P2RX3: variants seen among roughly 807,000 people sequenced by gnomAD.
P2RX3 encodes the protein P2X purinoceptor 3.
In P2RX3, 41 loss-of-function variants were observed where a neutral mutation model predicts 51.5. The ratio of observed to expected loss-of-function variants is 0.80; its 90% CI spans 0.62 to 1.03. The LOEUF (loss-of-function observed/expected upper bound fraction) is 1.03, where lower values mean the gene tolerates loss of function less well. Ranked by LOEUF, P2RX3 falls within the 50% of genes least tolerant of loss-of-function variation. The probability of loss-of-function intolerance (pLI) is 0.00; values close to 1 mark genes in which losing one functional copy is unlikely to be tolerated. For missense variants in P2RX3, 459 were observed against 522.1 expected, an observed-to-expected ratio of 0.88 and a Z score of 1.18; for synonymous variants, 185 against 191.6, an observed-to-expected ratio of 0.97 and a Z score of 0.29.
chr11:57,342,911 C>T (rs999365533), intron 1 of P2RX3, among the ~76,000 whole-genome samples: 1 of 152,210 alleles, frequency 6.6e-6, no homozygotes. Flanking sequence ...TGCTGGGGCG[C>T]GGCTCTGGCC....
intron 8 of P2RX3, among the ~76,000 whole-genome samples, chr11:57,353,840 C>T (rs893491581): frequency 3.5e-5 from 1 of 28,446 alleles, no homozygotes; most frequent in Admixed American, 9.3e-4. Context: ...ATGTCACTCC[C>T]CCCCCCCCGC....
intron 8 of P2RX3, among the ~76,000 whole-genome samples, chr11:57,356,893 A>G (rs1346880075): frequency 1.3e-5 from 2 of 152,196 alleles, no homozygotes; most frequent in African/African-American, 4.8e-5. Context: ...TATCATGTTC[A>G]TGTCTACCCT....
intron 10 of P2RX3, among the ~76,000 whole-genome samples, chr11:57,368,718 G>C (rs147702460): frequency 7.1e-4 from 108 of 152,250 alleles, no homozygotes; most frequent in African/African-American, 2.3e-3. Flanking sequence ...CCGTATAGCT[G>C]GGGGAGGAGG....
chr11:57,346,264 T>A (rs1298627182), intron 1 of P2RX3, among the ~76,000 whole-genome samples: 1 of 152,184 alleles, frequency 6.6e-6, no homozygotes, highest in Non-Finnish European at 1.5e-5. Flanking sequence ...ATACAGTACA[T>A]AAACAGATAT....
chr11:57,366,510 G>T (rs1374847958), intron 8 of P2RX3, among the ~76,000 whole-genome samples: 1 of 152,058 alleles, frequency 6.6e-6, no homozygotes, highest in Non-Finnish European at 1.5e-5. Flanking sequence ...TCACCAGCTG[G>T]TGAACTCAGC....
At chr11:57,341,812 G>A (rs892911820) in intron 1 of P2RX3, among the ~76,000 whole-genome samples, 34 of 152,136 alleles carry the variant, frequency 2.2e-4, no homozygotes, top group African/African-American at 7.0e-4. Context: ...ACTGGTGGCT[G>A]CTGGAGCCTC....
At chr11:57,361,931 C>A (rs1483454567) in intron 8 of P2RX3, among the ~76,000 whole-genome samples, 1 of 152,206 alleles carries the variant, frequency 6.6e-6, no homozygotes, top group Non-Finnish European at 1.5e-5. Flanking sequence ...CTCTCCTTCC[C>A]AACCCTTCCT....
intron 8 of P2RX3, among the ~76,000 whole-genome samples, chr11:57,362,998 C>G (rs1338488727): frequency 6.6e-6 from 1 of 152,136 alleles, no homozygotes; most frequent in South Asian, 2.1e-4. Context: ...GTTTTAAGCA[C>G]GGACTATATA....
In P2RX3 at chr11:57,371,896, C is replaced by T. The variant is rs377436108; in HGVS notation, c.*1899C>T. Among the ~76,000 whole-genome samples the T allele has an allele frequency of 4.6e-5, 7 of 152,150 alleles. No homozygotes were observed. The highest frequency in any genetic ancestry group is 1.7e-4 in the African/African-American group (7 of 41,422). Reference sequence around the variant, plus strand: ...GTGGTGTCCTGAAGGGACCCTCCCCCCCAACCCCTCCCTTTTACCCAGATG... The same window carrying T: ...GTGGTGTCCTGAAGGGACCCTCCCCTCCAACCCCTCCCTTTTACCCAGATG... On this transcript the variant is annotated 3_prime_UTR_variant, in exon 12 of 12. Coordinates refer to ENST00000263314, the MANE Select transcript of P2RX3 (RefSeq NM_002559.5).
intron 8 of P2RX3, among the ~76,000 whole-genome samples, chr11:57,357,991 G>A (rs1444192026): frequency 6.6e-6 from 1 of 152,130 alleles, no homozygotes; most frequent in East Asian, 1.9e-4. Flanking sequence ...TGTTTTTCCT[G>A]CTGCTGTAAC....
intron 8 of P2RX3, among the ~76,000 whole-genome samples, chr11:57,358,575 C>T (rs1856665686): frequency 1.3e-5 from 2 of 152,140 alleles, no homozygotes; most frequent in Non-Finnish European, 2.9e-5. Context: ...ATGTTAAGCA[C>T]GTCTCATTGC....
At chr11:57,369,465 A>G (rs1856847954) in intron 11 of P2RX3, 27 bp downstream of exon 11, 1 of 1,594,476 alleles carries the variant, frequency 6.3e-7, no homozygotes, top group Non-Finnish European at 8.5e-7. Flanking sequence ...GCACCCTTGG[A>G]TAAAAGGGAG....
At chr11:57,354,060 A>G (rs532001886) in intron 8 of P2RX3, among the ~76,000 whole-genome samples, 1 of 152,112 alleles carries the variant, frequency 6.6e-6, no homozygotes, top group South Asian at 2.1e-4. Flanking sequence ...TTACGGACCC[A>G]TGTAAGAGAT....
intron 1 of P2RX3, among the ~76,000 whole-genome samples, chr11:57,344,964 A>G (rs1565062590): frequency 2.6e-5 from 4 of 152,170 alleles, no homozygotes; most frequent in Non-Finnish European, 5.9e-5. Context: ...CCCAGAGATC[A>G]TTCAGTCCAG....
intron 2 of P2RX3, 70 bp downstream of exon 2, chr11:57,346,749 G>A (rs1363202771): frequency 3.2e-6 from 5 of 1,571,630 alleles, no homozygotes; most frequent in Non-Finnish European, 4.3e-6. Flanking sequence ...GAGAAAGCGA[G>A]CAAAGAGTGC....
intron 8 of P2RX3, among the ~76,000 whole-genome samples, chr11:57,361,222 G>A (rs976920619): frequency 6.6e-5 from 10 of 151,590 alleles, no homozygotes; most frequent in African/African-American, 2.4e-4. Flanking sequence ...CAGGAAAGCG[G>A]CCCCTGCCTC....
intron 8 of P2RX3, among the ~76,000 whole-genome samples, chr11:57,351,406 A>G (rs377341595): frequency 1.3e-5 from 2 of 152,222 alleles, no homozygotes; most frequent in Admixed American, 1.3e-4. Context: ...CTGGTTCTTC[A>G]ATGCCTCTCC....
intron 1 of P2RX3, among the ~76,000 whole-genome samples, chr11:57,345,832 C>T (rs1206415609): frequency 6.6e-6 from 1 of 152,096 alleles, no homozygotes; most frequent in African/African-American, 2.4e-5. Context: ...GGTGGCAGCA[C>T]AATCCAGGGA....
chr11:57,339,482 C>G (rs959829639), intron 1 of P2RX3, among the ~76,000 whole-genome samples: 36 of 151,906 alleles, frequency 2.4e-4, no homozygotes, highest in African/African-American at 8.7e-4. Flanking sequence ...AAGGTGCAAC[C>G]ATCCCCTCAG....
Sources: allele counts gnomAD v4.1 joint callset (sites outside exome capture counted in the v4.1 genomes callset), GRCh38; gene constraint gnomAD v4.1.1; transcripts MANE v1.5; gene names NCBI Gene and HGNC (gene_info 2026-07-23, HGNC 2026-07-21).